Variants in PPM1L observed in about 807,000 individuals in gnomAD.
PPM1L encodes the protein protein phosphatase 1L.
Under a neutral mutation model 31.4 loss-of-function variants are expected in PPM1L, and 13 were observed. The observed-to-expected ratio is 0.41, with a 90% CI of 0.27 to 0.66. The LOEUF is 0.66. PPM1L is among the 30% of genes least tolerant of loss of function. The pLI, the probability that PPM1L is intolerant of heterozygous loss-of-function variation, is 0.29. For missense variants in PPM1L, 326 were observed against 453.7 expected (o/e 0.72, Z 2.56); for synonymous variants, 184 against 175.4 (o/e 1.05, Z -0.39).
At chr3:160,831,137 G>A (rs946814471) in intron 1 of PPM1L, among the ~76,000 whole-genome samples, 7 of 152,194 alleles carry the variant, frequency 4.6e-5, no homozygotes, top group Admixed American at 1.3e-4. Flanking sequence ...ATATTTAAAA[G>A]TCAATTTATA....
chr3:160,958,197 A>G (rs974139780), intron 1 of PPM1L, among the ~76,000 whole-genome samples: 4 of 152,138 alleles, frequency 2.6e-5, no homozygotes, highest in Non-Finnish European at 5.9e-5. Context: ...TTTTTTTGCA[A>G]TTGCTTTTGG....
intron 2 of PPM1L, among the ~76,000 whole-genome samples, chr3:160,986,464 G>A (rs370729931): frequency 6.6e-6 from 1 of 152,144 alleles, no homozygotes; most frequent in Admixed American, 6.6e-5. Context: ...GGTACAAAAT[G>A]ATTTCTTTAG....
chr3:160,833,940 T>G (rs1467294571), intron 1 of PPM1L, among the ~76,000 whole-genome samples: 2 of 152,078 alleles, frequency 1.3e-5, no homozygotes, highest in Non-Finnish European at 2.9e-5. Flanking sequence ...CATCTTGAGG[T>G]AATTTTTGTA....
rs556792485 is a variant in PPM1L at position 161,076,655 on chromosome 3, C to A, written c.*7498C>A. 6.6e-6 allele frequency: 1 copy of A among 151,354 alleles called. No homozygotes were observed. Among genetic ancestry groups the A allele is most frequent in the African/African-American group, 2.4e-5 (1 of 41,188 alleles). 9.4% of individuals were successfully genotyped at this position (151,354 alleles called of 1,614,324 possible). ...GCAGTTCAGGTCACAGAATTGAAAT[C>A]TATTTGATAATGTCTCAGCATTCTC... On this transcript the variant is annotated 3_prime_UTR_variant, in exon 4 of 4. Coordinates refer to ENST00000498165, the MANE Select transcript of PPM1L (RefSeq NM_139245.4).
At chr3:161,067,337 C>G (rs1305949880) in intron 3 of PPM1L, among the ~76,000 whole-genome samples, 1 of 152,198 alleles carries the variant, frequency 6.6e-6, no homozygotes, top group African/African-American at 2.4e-5. Context: ...ATAATTTGAT[C>G]AATTGCATAT....
intron 2 of PPM1L, among the ~76,000 whole-genome samples, chr3:161,005,166 C>A (rs1245416377): frequency 6.6e-6 from 1 of 151,976 alleles, no homozygotes; most frequent in African/African-American, 2.4e-5. Context: ...TTGTTATGTA[C>A]CCAGTAGTCA....
intron 1 of PPM1L, among the ~76,000 whole-genome samples, chr3:160,813,659 G>A (rs960359972): frequency 2.6e-5 from 4 of 152,082 alleles, no homozygotes; most frequent in African/African-American, 9.7e-5. Flanking sequence ...TCTATAACCA[G>A]ATAAAATTTA....
intron 2 of PPM1L, among the ~76,000 whole-genome samples, chr3:161,037,522 C>T (rs923491335): frequency 1.4e-5 from 2 of 146,724 alleles, no homozygotes; most frequent in Non-Finnish European, 3.0e-5. Context: ...TCAAGTGATT[C>T]TCCTGCCTCA....
intron 1 of PPM1L, among the ~76,000 whole-genome samples, chr3:160,808,702 G>A (rs1490794166): frequency 6.6e-6 from 1 of 152,110 alleles, no homozygotes; most frequent in Non-Finnish European, 1.5e-5. Context: ...TATGTGCCTC[G>A]AGACAGTGGC....
Position 161,076,812 on chromosome 3 carries a change from C to T in PPM1L, c.*7655C>T, listed in dbSNP as rs2108120358. ...TCATTCCAAAAGACCCCAATGTAAACTCTGCTCACATACATAATTTGTATA... is the reference window on the plus strand; with the variant it reads ...TCATTCCAAAAGACCCCAATGTAAATTCTGCTCACATACATAATTTGTATA... On this transcript the variant is annotated 3_prime_UTR_variant, in exon 4 of 4. Coordinates refer to ENST00000498165, the MANE Select transcript of PPM1L (RefSeq NM_139245.4). 6.6e-6 allele frequency: 1 copy of T among 152,188 alleles called. No homozygotes were observed. The highest frequency in any genetic ancestry group is 6.5e-5 in the Admixed American group (1 of 15,282). 9.4% of individuals were successfully genotyped at this position (152,188 alleles called of 1,614,324 possible).
intron 1 of PPM1L, among the ~76,000 whole-genome samples, chr3:160,805,947 C>T (rs1712590302): frequency 6.6e-6 from 1 of 152,090 alleles, no homozygotes; most frequent in East Asian, 1.9e-4. Flanking sequence ...AATATTGAGC[C>T]CATATTCTTG....
intron 1 of PPM1L, among the ~76,000 whole-genome samples, chr3:160,761,441 A>T (rs999156086): frequency 6.6e-6 from 1 of 152,190 alleles, no homozygotes; most frequent in African/African-American, 2.4e-5. Context: ...TGTCATTTTA[A>T]TGAGGACCAA....
At chr3:160,885,841 G>A (rs886862898) in intron 1 of PPM1L, among the ~76,000 whole-genome samples, 1 of 152,244 alleles carries the variant, frequency 6.6e-6, no homozygotes, top group African/African-American at 2.4e-5. Flanking sequence ...TCCCCTGGGG[G>A]AGGGGCAACC....
chr3:160,924,272 A>G (rs902295977), intron 1 of PPM1L, among the ~76,000 whole-genome samples: 4 of 152,204 alleles, frequency 2.6e-5, no homozygotes, highest in African/African-American at 9.6e-5. Context: ...CTTGAAGCCT[A>G]GAAATTTTGG....
At chr3:160,984,584 T>C (rs1365701841) in intron 2 of PPM1L, among the ~76,000 whole-genome samples, 1 of 151,938 alleles carries the variant, frequency 6.6e-6, no homozygotes, top group East Asian at 1.9e-4. Flanking sequence ...ATCACAAGAG[T>C]ATTGATTGGG....
chr3:161,053,100 C>CTGG (rs1208532734), intron 2 of PPM1L, among the ~76,000 whole-genome samples: 8 of 152,208 alleles, frequency 5.3e-5, no homozygotes, highest in Admixed American at 1.3e-4. Flanking sequence ...AAAAATATAG[C>CTGG]TGGTGCTTCT....
At chr3:160,991,907 T>C (rs1717147648) in intron 2 of PPM1L, among the ~76,000 whole-genome samples, 1 of 152,240 alleles carries the variant, frequency 6.6e-6, no homozygotes, top group Non-Finnish European at 1.5e-5. Flanking sequence ...CTAATAATGA[T>C]AACTAATAAT....
intron 1 of PPM1L, among the ~76,000 whole-genome samples, chr3:160,801,704 T>C (rs1712430960): frequency 6.6e-6 from 1 of 152,318 alleles, no homozygotes; most frequent in African/African-American, 2.4e-5. Flanking sequence ...TTGTTTTGTT[T>C]TTAAAACTGT....
At position 160,932,538 on chromosome 3, in the gene PPM1L, A is replaced by G. The variant is rs548446724; in HGVS notation, c.400-29198A>G. Among the ~76,000 whole-genome samples the G allele has an allele frequency of 8.3e-4, 127 of 152,326 alleles. 1 individual carries two copies. Among genetic ancestry groups the G allele is most frequent in the African/African-American group, 2.9e-3 (119 of 41,582 alleles). Reference sequence around the variant, plus strand: ...TTGGGGAAATACATGAAGTAATCTTATAGGATGAAGACTCCTTTAAATGAT... The same window carrying G: ...TTGGGGAAATACATGAAGTAATCTTGTAGGATGAAGACTCCTTTAAATGAT... On this transcript the variant is annotated intron_variant, in intron 1 of 3. Transcript: ENST00000498165.
Sources: gnomAD v4.1 joint callset for allele counts (sites outside exome capture counted in the v4.1 genomes callset) on GRCh38, gnomAD v4.1.1 for gene constraint, MANE v1.5 for transcripts, NCBI Gene and HGNC (gene_info 2026-07-23, HGNC 2026-07-21) for gene names.